SPRY1: variants seen among roughly 807,000 people sequenced by gnomAD.
SPRY1 encodes sprouty RTK signaling antagonist 1.
SPRY1 carries 20 observed loss-of-function variants against 22.6 expected under a neutral mutation model. The ratio of observed to expected loss-of-function variants is 0.89; its 90% CI spans 0.62 to 1.29. The LOEUF is 1.29. SPRY1 is among the 50% of genes most tolerant of loss of function. SPRY1 has a pLI of 0.00. For synonymous variants in SPRY1, 155 were observed against 144.7 expected (o/e 1.07, Z -0.51); for missense variants, 446 against 387.7 (o/e 1.15, Z -1.26).
chr4:123,398,553 T>G (rs1725009374), intron 2 of SPRY1: 2 of 152,272 alleles, frequency 1.3e-5, no homozygotes, highest in South Asian at 2.1e-4. Context: ...CGCTGGGCTG[T>G]AGGCGCGCGG....
At position 123,402,167 on chromosome 4, in the gene SPRY1, C is replaced by T. The variant is rs778878130; in HGVS notation, c.576C>T (p.Cys192=). The change falls in exon 3 of 3, where the codon TGC becomes TGT. Residue 192 remains cysteine (C), a synonymous_variant. Transcript: ENST00000651917. ...EQCGKCKCGE[C]TAPRTLPSCL... ...GTGGGAAGTGCAAGTGTGGAGAATG[C>T]ACTGCTCCCAGGACCCTACCATCCT... 1.9e-6 allele frequency: 3 copies of T among 1,614,216 alleles called. No homozygotes were observed. The highest frequency in any genetic ancestry group is 2.5e-6 in the Non-Finnish European group (3 of 1,180,038).
Position 123,403,057 on chromosome 4 carries a change from G to A in SPRY1, c.*506G>A, listed in dbSNP as rs1454475395. ...TGGGGGATATATTTTTTGCTATAAC[G>A]TAAAAATTTTCCTTTAACCACTGCC... is the stretch of plus-strand genomic sequence containing the variant. On this transcript the variant is annotated 3_prime_UTR_variant, in exon 3 of 3. Coordinates refer to ENST00000651917, the MANE Select transcript of SPRY1 (RefSeq NM_001258038.2). 2.7e-5 allele frequency: 10 copies of A among 374,538 alleles called. No individual in the cohort carries two copies. Among genetic ancestry groups the A allele is most frequent in the East Asian group, 1.2e-4 (3 of 24,710 alleles). 23.2% of individuals were successfully genotyped at this position (374,538 alleles called of 1,614,324 possible). A position where few individuals can be genotyped will look rare whatever the true frequency, so the allele number is the denominator to read the frequency against.
chr4:123,400,652 GGTCT>G (rs1420461358), intron 2 of SPRY1, among the ~76,000 whole-genome samples: 3 of 152,128 alleles, frequency 2.0e-5, no homozygotes, highest in Non-Finnish European at 4.4e-5. Flanking sequence ...TGAAAATCAA[GGTCT>G]GTCATGTAAA....
intron 2 of SPRY1, chr4:123,398,370 G>A (rs1489050762): frequency 6.6e-6 from 1 of 151,046 alleles, no homozygotes; most frequent in Non-Finnish European, 1.5e-5. Context: ...GGGGGCGGGG[G>A]AGGCCGCGAG....
intron 2 of SPRY1, 67 bp from the exon 3 acceptor site, chr4:123,401,470 C>T: frequency 1.7e-6 from 2 of 1,160,168 alleles, no homozygotes; most frequent in South Asian, 3.1e-5. Context: ...GACAGGATTC[C>T]CCCCCCCCAA....
chr4:123,399,039 A>C (rs1483909061), intron 2 of SPRY1, among the ~76,000 whole-genome samples: 2 of 152,180 alleles, frequency 1.3e-5, no homozygotes, highest in Non-Finnish European at 2.9e-5. Flanking sequence ...GGTTTGGAGC[A>C]CAGTGCAAAG....
In SPRY1 at chr4:123,402,138, C is replaced by A; in HGVS notation, c.547C>A (p.Gln183Lys). The change falls in exon 3 of 3, where the codon CAG (glutamine) becomes AAG (lysine). Residue 183 changes from glutamine to lysine, a missense_variant. Transcript: ENST00000651917. ...GACACAGCACAAGTTCATTTGTGAA[C>A]AGTGTGGGAAGTGCAAGTGTGGAGA... ...DLTQHKFICE[Q>K]CGKCKCGECT... The A allele has an allele frequency of 6.2e-7, 1 of 1,614,170 alleles. No individual in the cohort carries two copies. Among genetic ancestry groups the A allele is most frequent in the Non-Finnish European group, 8.5e-7 (1 of 1,180,036 alleles).
chr4:123,402,231 A>G lies in SPRY1; in HGVS notation c.640A>G (p.Ser214Gly). Residue 214 changes from serine (S) to glycine (G), a missense_variant, in exon 3 of 3, where the codon AGC (serine) becomes GGC (glycine). Coordinates refer to ENST00000651917, the MANE Select transcript of SPRY1 (RefSeq NM_001258038.2). Reference protein sequence around the residue: ...CNRQCLCSAESMVEYGTCMCL... With the variant: ...CNRQCLCSAEGMVEYGTCMCL... ...CCGGCAGTGCCTTTGCTCTGCTGAG[A>G]GCATGGTGGAATATGGAACCTGCAT... 1 of 1,614,222 alleles carries G rather than the reference A, an allele frequency of 6.2e-7. No homozygotes were observed. Among genetic ancestry groups the G allele is most frequent in the Non-Finnish European group, 8.5e-7 (1 of 1,180,034 alleles).
intron 1 of SPRY1, 59 bp from the exon 2 acceptor site, chr4:123,397,551 GT>G (rs1724961231): frequency 6.6e-6 from 1 of 152,160 alleles, no homozygotes; most frequent in Non-Finnish European, 1.5e-5. Flanking sequence ...CCCGCCCGGG[GT>G]CCCAGCCCTT....
At chr4:123,398,799 C>T (rs1355129698) in intron 2 of SPRY1, among the ~76,000 whole-genome samples, 1 of 152,122 alleles carries the variant, frequency 6.6e-6, no homozygotes, top group Non-Finnish European at 1.5e-5. Flanking sequence ...TTACCCGGAG[C>T]GGCGGCGCGG....
intron 2 of SPRY1, among the ~76,000 whole-genome samples, chr4:123,399,221 CA>C (rs1467779841): frequency 2.2e-4 from 33 of 152,124 alleles, no homozygotes; most frequent in African/African-American, 6.5e-4. Context: ...ACTAAAAATG[CA>C]AAAATTAGCC....
At position 123,401,788 on chromosome 4, in the gene SPRY1, G is replaced by A. The variant is rs140546097; in HGVS notation, c.197G>A (p.Arg66Gln). 32 of 1,613,976 alleles carry A rather than the reference G, an allele frequency of 2.0e-5. No individual in the cohort carries two copies. Among genetic ancestry groups the A allele is most frequent in the East Asian group, 1.3e-4 (6 of 44,890 alleles). The change falls in exon 3 of 3, where the codon CGG becomes CAG. Residue 66 changes from arginine to glutamine, a missense_variant. Coordinates refer to ENST00000651917, the MANE Select transcript of SPRY1 (RefSeq NM_001258038.2). ...GPSVVKRPAPRTAPRQEKHER... is the reference protein window; with the variant it reads ...GPSVVKRPAPQTAPRQEKHER... ...TCGGTGGTGAAAAGACCTGCTCCTC[G>A]GACAGCACCAAGACAAGAAAAGCAT...
chr4:123,400,864 T>TTGTG (rs1553946128), intron 2 of SPRY1, among the ~76,000 whole-genome samples: 1 of 151,870 alleles, frequency 6.6e-6, no homozygotes, highest in East Asian at 1.9e-4. Flanking sequence ...ACATTGAGTC[T>TTGTG]TGTGTGTGTG....
In SPRY1 at chr4:123,401,730, A is replaced by G. The variant is rs759365951; in HGVS notation, c.139A>G (p.Ile47Val). 5.6e-6 allele frequency: 9 copies of G among 1,614,106 alleles called. No individual in the cohort carries two copies. The highest frequency in any genetic ancestry group is 1.7e-5 in the Admixed American group (1 of 59,996). ...TTTGTCCTTAGACCAGATCAAGGCCATAAGAGGCAGCAATGAATACACAGA... is the reference window on the plus strand; with the variant it reads ...TTTGTCCTTAGACCAGATCAAGGCCGTAAGAGGCAGCAATGAATACACAGA... ...AILSLDQIKA[I>V]RGSNEYTEGP... Residue 47 changes from isoleucine to valine, a missense_variant, in exon 3 of 3, where the codon ATA (isoleucine) becomes GTA (valine). Transcript: ENST00000651917.
chr4:123,402,088 T>G lies in SPRY1; in HGVS notation c.497T>G (p.Leu166Trp). ...TQPKQLIVDD[L>W]KGSLKEDLTQ... is the part of the protein sequence containing the mutation. ...CCCAAGCAACTGATTGTGGATGACTTGAAGGGTTCCTTGAAAGAGGACCTG... is the reference window on the plus strand; with the variant it reads ...CCCAAGCAACTGATTGTGGATGACTGGAAGGGTTCCTTGAAAGAGGACCTG... The change falls in exon 3 of 3, where the codon TTG becomes TGG. Residue 166 changes from leucine to tryptophan, a missense_variant. Physicochemically the swap from Leu to Trp is moderately conservative, Grantham distance 61 (BLOSUM62 -2). Transcript: ENST00000651917. The G allele has an allele frequency of 6.2e-7, 1 of 1,614,160 alleles. No individual in the cohort carries two copies. Among genetic ancestry groups the G allele is most frequent in the Non-Finnish European group, 8.5e-7 (1 of 1,180,018 alleles).
At chr4:123,399,903 C>A (rs1453813644) in intron 2 of SPRY1, 2 of 152,200 alleles carry the variant, frequency 1.3e-5, no homozygotes, top group African/African-American at 4.8e-5. Context: ...GGCTTTTCTT[C>A]GGATCGGAGG....
chr4:123,399,168 G>C (rs539475865), intron 2 of SPRY1, among the ~76,000 whole-genome samples: 6 of 152,164 alleles, frequency 3.9e-5, no homozygotes, highest in Non-Finnish European at 8.8e-5. Flanking sequence ...CCTGAGGTCA[G>C]GAGTTCGAGA....
chr4:123,402,984 C>A lies in SPRY1; in HGVS notation c.*433C>A, dbSNP rs1043932883. On this transcript the variant is annotated 3_prime_UTR_variant, in exon 3 of 3. Transcript: ENST00000651917. ...TGCTTAAATAAGCTATGTATTAAAT[C>A]TGTCTCCAGTTAGGGCTATCTTCCT... 9 of 419,784 alleles carry A rather than the reference C, an allele frequency of 2.1e-5. No individual in the cohort carries two copies. Among genetic ancestry groups the A allele is most frequent in the Non-Finnish European group, 3.5e-5 (8 of 229,594 alleles). The allele number at this position is 419,784 out of a possible 1,614,324, so 26.0% of individuals were successfully genotyped here. A position where few individuals can be genotyped will look rare whatever the true frequency, so the allele number is the denominator to read the frequency against.
Position 123,402,764 on chromosome 4 carries a change from A to C in SPRY1, c.*213A>C. 1.6e-6 allele frequency: 1 copy of C among 630,190 alleles called. No individual in the cohort carries two copies. Among genetic ancestry groups the C allele is most frequent in the East Asian group, 2.8e-5 (1 of 35,690 alleles). 39.0% of individuals were successfully genotyped at this position (630,190 alleles called of 1,614,324 possible). On this transcript the variant is annotated 3_prime_UTR_variant, in exon 3 of 3. Transcript: ENST00000651917. Reference sequence around the variant, plus strand: ...GAAGCTGCACCTGGCTCCCACTTTCAACAAGAGCCTCTGCCATCCACTTGA... The same window carrying C: ...GAAGCTGCACCTGGCTCCCACTTTCCACAAGAGCCTCTGCCATCCACTTGA...
Sources: gnomAD v4.1 joint callset for allele counts (sites outside exome capture counted in the v4.1 genomes callset) on GRCh38, gnomAD v4.1.1 for gene constraint, MANE v1.5 for transcripts, NCBI Gene and HGNC (gene_info 2026-07-23, HGNC 2026-07-21) for gene names.